PHF21A: variants seen among roughly 807,000 people sequenced by gnomAD.
The protein encoded by PHF21A is PHD finger protein 21A, also known as BHC80a.
In PHF21A, 11 loss-of-function variants were observed where a neutral mutation model predicts 82.5. The observed-to-expected ratio is 0.13, with a 90% confidence interval of 0.08 to 0.22. PHF21A has a LOEUF of 0.22. PHF21A is among the 10% of genes least tolerant of loss of function. PHF21A has a pLI of 1.00. For synonymous variants in PHF21A, 297 were observed against 302.8 expected, an observed-to-expected ratio of 0.98 and a Z score of 0.20; for missense variants, 579 against 837.8, an observed-to-expected ratio of 0.69 and a Z score of 3.81.
intron 6 of PHF21A, among the ~76,000 whole-genome samples, chr11:46,013,035 C>T (rs2095441283): frequency 1.3e-5 from 2 of 152,066 alleles, no homozygotes. Context: ...GTACTGAACC[C>T]TATATATACT....
intron 13 of PHF21A, 150 bp from the exon 14 acceptor site, chr11:45,949,096 T>G (rs573231763): frequency 4.2e-6 from 3 of 713,936 alleles, no homozygotes; most frequent in Non-Finnish European, 7.6e-6. Context: ...AGGGTTTTAT[T>G]GTATGTACTT....
At position 46,121,390 on chromosome 11, in the gene PHF21A, C is replaced by T. The variant is rs1853233692; in HGVS notation, c.-692G>A. 6.6e-6 allele frequency among the ~76,000 whole-genome samples: 1 copy of T among 151,476 alleles called. No individual in the cohort carries two copies. ...CAAACAAGCCCAACTCTTCATCCTC[C>T]TCCTCCTCTCAGCAGCAGCAGCGAG... is the stretch of plus-strand genomic sequence containing the variant. On this transcript the variant is annotated 5_prime_UTR_variant, in exon 1 of 19. Transcript: ENST00000676320.
intron 10 of PHF21A, among the ~76,000 whole-genome samples, chr11:45,958,617 G>A (rs570255990): frequency 2.7e-5 from 4 of 150,180 alleles, no homozygotes; most frequent in Non-Finnish European, 4.4e-5. Flanking sequence ...AAAAAATAAC[G>A]AAAAAAATTA....
intron 6 of PHF21A, among the ~76,000 whole-genome samples, chr11:46,063,897 A>T (rs2096564914): frequency 6.6e-6 from 1 of 152,188 alleles, no homozygotes; most frequent in Admixed American, 6.5e-5. Context: ...TGTTATAATT[A>T]AAAGGCACTG....
chr11:45,954,260 G>T (rs1468120755), intron 10 of PHF21A, among the ~76,000 whole-genome samples: 1 of 152,106 alleles, frequency 6.6e-6, no homozygotes, highest in Non-Finnish European at 1.5e-5. Context: ...GCCTCCCAAA[G>T]TGCTGGGATT....
At chr11:46,034,994 T>G (rs1015780099) in intron 6 of PHF21A, among the ~76,000 whole-genome samples, 1 of 152,206 alleles carries the variant, frequency 6.6e-6, no homozygotes, top group Non-Finnish European at 1.5e-5. Context: ...AAAAATGAAG[T>G]GGAGAACATA....
intron 14 of PHF21A, among the ~76,000 whole-genome samples, chr11:45,946,868 A>G (rs755269945): frequency 6.6e-6 from 1 of 152,188 alleles, no homozygotes; most frequent in Non-Finnish European, 1.5e-5. Context: ...CAAGTTAACT[A>G]TTCTTATCCC....
At chr11:45,975,849 TTCTCC>T (rs1388708965) in intron 7 of PHF21A, among the ~76,000 whole-genome samples, 1 of 152,146 alleles carries the variant, frequency 6.6e-6, no homozygotes, top group Non-Finnish European at 1.5e-5. Context: ...ATAAAAAACT[TTCTCC>T]TCTTAGCATC....
At chr11:45,998,007 C>A (rs1591768655) in intron 6 of PHF21A, among the ~76,000 whole-genome samples, 1 of 152,254 alleles carries the variant, frequency 6.6e-6, no homozygotes, top group East Asian at 1.9e-4. Flanking sequence ...CAGTTTTGCT[C>A]CTATCAAAAC....
intron 7 of PHF21A, among the ~76,000 whole-genome samples, chr11:45,971,905 T>TTTTTTTTTTTTTTTTTTTTTTTTTTTTC (rs1452859819): frequency 1.1e-5 from 1 of 89,940 alleles, no homozygotes; most frequent in African/African-American, 4.2e-5. Context: ...TTTTTTTTTT[T>TTTTTTTTTTTTTTTTTTTTTTTTTTTTC]ATGGTGTCAC....
chr11:46,096,435 G>A (rs891149813), intron 1 of PHF21A, among the ~76,000 whole-genome samples: 2 of 151,952 alleles, frequency 1.3e-5, no homozygotes, highest in South Asian at 2.1e-4. Context: ...ACCCATTAGG[G>A]CCTTTGCCTC....
intron 6 of PHF21A, among the ~76,000 whole-genome samples, chr11:46,072,725 G>A (rs1199863599): frequency 1.3e-5 from 2 of 152,144 alleles, no homozygotes; most frequent in African/African-American, 4.8e-5. Context: ...CTGAGGAAGT[G>A]ACATTTAAGC....
chr11:46,012,847 A>C (rs1486813744), intron 6 of PHF21A, among the ~76,000 whole-genome samples: 1 of 152,146 alleles, frequency 6.6e-6, no homozygotes, highest in Non-Finnish European at 1.5e-5. Context: ...GGGATTTCTA[A>C]GCATGTTTAC....
At chr11:46,067,856 G>C (rs752001261) in intron 6 of PHF21A, among the ~76,000 whole-genome samples, 6 of 152,102 alleles carry the variant, frequency 3.9e-5, no homozygotes, top group Non-Finnish European at 5.9e-5. Context: ...CACAATGAGC[G>C]CCAAATAAAG....
rs528661646 is a variant in PHF21A at position 45,951,241 on chromosome 11, A to G, written c.1096-984T>C. 1.4e-4 allele frequency among the ~76,000 whole-genome samples: 21 copies of G among 152,332 alleles called. No homozygotes were observed. In the South Asian group the frequency reaches 4.3e-3, roughly 32 times the overall value. ...TGAATAAAGAACATCTTCAATTGTA[A>G]AAGACATACTCCTGTAGAGTTATTT... On this transcript the variant is annotated intron_variant, in intron 11 of 18. Transcript: ENST00000676320.
In PHF21A at chr11:46,036,588, TAAGTAA is replaced by T. The variant is rs1285191204; in HGVS notation, c.153+40160_153+40165del. ...ATTTATTTAAACTCTTTTATGTCCC[TAAGTAA>T]AAGTAAAGGTACAGGTATACATTTC... On this transcript the variant is annotated intron_variant, in intron 6 of 18. Transcript: ENST00000676320. Among the ~76,000 whole-genome samples, 11 of 152,354 alleles carry T rather than the reference TAAGTAA, an allele frequency of 7.2e-5. No homozygotes were observed. The East Asian group carries it at 1.2e-3, about 16-fold the overall frequency.
At chr11:45,964,430 G>C (rs1388123938) in intron 10 of PHF21A, among the ~76,000 whole-genome samples, 1 of 152,026 alleles carries the variant, frequency 6.6e-6, no homozygotes, top group African/African-American at 2.4e-5. Context: ...AGAAGACTAA[G>C]GCAGCAGGCA....
chr11:46,112,410 C>A (rs1289672584), intron 1 of PHF21A, among the ~76,000 whole-genome samples: 1 of 152,146 alleles, frequency 6.6e-6, no homozygotes, highest in Non-Finnish European at 1.5e-5. Flanking sequence ...TTATTATGTG[C>A]CAAGCACCGT....
At chr11:45,986,499 C>CA (rs1275708118) in intron 6 of PHF21A, among the ~76,000 whole-genome samples, 1 of 151,926 alleles carries the variant, frequency 6.6e-6, no homozygotes, top group African/African-American at 2.4e-5. Context: ...GATGCTGCAG[C>CA]AAAAAAGTAT....
Sources: allele counts gnomAD v4.1 joint callset (sites outside exome capture counted in the v4.1 genomes callset), GRCh38; gene constraint gnomAD v4.1.1; transcripts MANE v1.5; gene names NCBI Gene and HGNC (gene_info 2026-07-23, HGNC 2026-07-21).